The following TCF12 variants were observed in gnomAD, a reference collection of about 807,000 sequenced individuals.
TCF12 encodes transcription factor 12, also known as DNA-binding protein HTF4.
Under a neutral mutation model 86.0 loss-of-function variants are expected in TCF12, and 45 were observed. The observed-to-expected ratio is 0.52, with a 90% CI of 0.41 to 0.67. The LOEUF (loss-of-function observed/expected upper bound fraction) is 0.67, where lower values mean the gene tolerates loss of function less well. Among genes scored for constraint, TCF12 ranks in the 30% least tolerant of loss-of-function variants. The pLI, the probability that TCF12 is intolerant of heterozygous loss-of-function variation, is 0.00. For synonymous variants in TCF12, 330 were observed against 299.6 expected (o/e 1.10, Z -1.05); for missense variants, 881 against 859.9 (o/e 1.02, Z -0.31).
At chr15:56,926,926 T>C (rs1187881922) in intron 3 of TCF12, among the ~76,000 whole-genome samples, 2 of 152,196 alleles carry the variant, frequency 1.3e-5, no homozygotes, top group African/African-American at 4.8e-5. Context: ...AAATTGTTAG[T>C]GGTGAGACAC....
At chr15:57,282,148 TAAC>T (rs1233837009) in intron 19 of TCF12, 2 of 400,512 alleles carry the variant, frequency 5.0e-6, no homozygotes, top group Non-Finnish European at 9.2e-6. Context: ...GGTAGCCTAA[TAAC>T]AACAGCATTT....
intron 8 of TCF12, among the ~76,000 whole-genome samples, chr15:57,216,734 A>G (rs1444705176): frequency 1.3e-5 from 2 of 152,104 alleles, no homozygotes; most frequent in Non-Finnish European, 2.9e-5. Flanking sequence ...GCAGAGAAAA[A>G]AAGATTTTAT....
At chr15:56,940,475 TCTTCTC>T (rs773015661) in intron 3 of TCF12, among the ~76,000 whole-genome samples, 60 of 150,092 alleles carry the variant, frequency 4.0e-4, no homozygotes, top group Admixed American at 1.4e-3. Flanking sequence ...CTCTTCTTCT[TCTTCTC>T]CTCCTCCTCC....
At chr15:56,927,697 T>A (rs2060076909) in intron 3 of TCF12, among the ~76,000 whole-genome samples, 1 of 152,206 alleles carries the variant, frequency 6.6e-6, no homozygotes, top group African/African-American at 2.4e-5. Context: ...TTCTTTTGGT[T>A]AGGAGATGCA....
intron 5 of TCF12, among the ~76,000 whole-genome samples, chr15:57,148,611 G>A (rs1377362899): frequency 1.3e-5 from 2 of 151,522 alleles, no homozygotes; most frequent in Non-Finnish European, 2.9e-5. Context: ...GCCAGGCACA[G>A]TGGCTCATGC....
chr15:57,107,484 T>C lies in TCF12; in HGVS notation c.325+15593T>C, dbSNP rs570442496. ...AGTGAAACTACTCTGTATAAAACTT[T>C]AGTGGTAGATATATGTCATTATATG... On this transcript the variant is annotated intron_variant, in intron 5 of 20. Transcript: ENST00000333725. Among the ~76,000 whole-genome samples the C allele has an allele frequency of 5.3e-5, 8 of 152,314 alleles. No individual in the cohort carries two copies. The South Asian group carries it at 1.0e-3, about 20-fold the overall frequency.
At chr15:57,108,810 G>GT (rs1489991675) in intron 5 of TCF12, among the ~76,000 whole-genome samples, 1 of 152,022 alleles carries the variant, frequency 6.6e-6, no homozygotes, top group Non-Finnish European at 1.5e-5. Flanking sequence ...TAAAAGTTCT[G>GT]TTTTTTAAAA....
intron 12 of TCF12, among the ~76,000 whole-genome samples, chr15:57,241,239 C>T (rs1428664469): frequency 3.3e-5 from 5 of 151,998 alleles, no homozygotes; most frequent in South Asian, 2.1e-4. Context: ...GGATTACAGT[C>T]GCCCACCACG....
intron 4 of TCF12, among the ~76,000 whole-genome samples, chr15:57,067,591 T>C (rs1199038681): frequency 6.8e-6 from 1 of 146,292 alleles, no homozygotes; most frequent in African/African-American, 2.6e-5. Context: ...ATGGTAGGCA[T>C]GGTCAGCATT....
chr15:57,225,608 A>C (rs1377729613), intron 8 of TCF12, among the ~76,000 whole-genome samples: 11 of 152,178 alleles, frequency 7.2e-5, no homozygotes, highest in African/African-American at 2.7e-4. Context: ...ATAACAGATC[A>C]GAATGATCTG....
chr15:57,274,884 A>G (rs1483613512), intron 19 of TCF12, among the ~76,000 whole-genome samples: 3 of 152,210 alleles, frequency 2.0e-5, no homozygotes, highest in Admixed American at 6.5e-5. Flanking sequence ...TTTTTTAAGC[A>G]CAGAGATACC....
Position 56,972,858 on chromosome 15 carries a change from A to G in TCF12, c.148+51760A>G, listed in dbSNP as rs1167637974. Among the ~76,000 whole-genome samples the G allele has an allele frequency of 9.2e-5, 14 of 152,322 alleles. No individual in the cohort carries two copies. In the South Asian group the frequency reaches 1.2e-3, roughly 14 times the overall value. ...ATAGTTATGGAGGGGAGGGGAACAG[A>G]CTAACACAACTTTTGAACACAGTGT... On this transcript the variant is annotated intron_variant, in intron 3 of 20. Coordinates refer to ENST00000333725, the MANE Select transcript of TCF12 (RefSeq NM_207037.2).
At chr15:57,034,039 G>C (rs1281686003) in intron 3 of TCF12, among the ~76,000 whole-genome samples, 7 of 152,196 alleles carry the variant, frequency 4.6e-5, no homozygotes. Context: ...AGTTTTGTTA[G>C]TGAGCTACTT....
intron 3 of TCF12, among the ~76,000 whole-genome samples, chr15:57,030,425 T>C (rs1380465199): frequency 6.6e-6 from 1 of 152,182 alleles, no homozygotes; most frequent in Non-Finnish European, 1.5e-5. Context: ...CTTTATTTAT[T>C]TTTTTGTAGA....
intron 4 of TCF12, 66 bp downstream of exon 4, chr15:57,063,889 A>G: frequency 3.3e-6 from 4 of 1,213,982 alleles, no homozygotes; most frequent in Non-Finnish European, 4.7e-6. Flanking sequence ...TCTTTCATAT[A>G]TGCTGTTTCT....
chr15:57,193,664 T>G (rs1474104334), intron 7 of TCF12, among the ~76,000 whole-genome samples: 1 of 152,250 alleles, frequency 6.6e-6, no homozygotes, highest in East Asian at 1.9e-4. Context: ...CATTTTTTTA[T>G]TGCACAGGCA....
chr15:57,107,317 A>G (rs1285129977), intron 5 of TCF12, among the ~76,000 whole-genome samples: 1 of 152,216 alleles, frequency 6.6e-6, no homozygotes, highest in Non-Finnish European at 1.5e-5. Context: ...TACTGTGTGA[A>G]ACAAGCCAAT....
intron 4 of TCF12, among the ~76,000 whole-genome samples, chr15:57,082,318 A>G (rs897020142): frequency 6.6e-6 from 1 of 152,232 alleles, no homozygotes; most frequent in African/African-American, 2.4e-5. Context: ...TCCACACAAC[A>G]CTGGCTATCA....
chr15:57,286,636 C>G lies in TCF12; in HGVS notation c.*491C>G. ...TCACGTGCAGAGAACAAAGCAGTGA[C>G]AACCATTGGCCCTTAGCATTCCCGG... On this transcript the variant is annotated 3_prime_UTR_variant, in exon 21 of 21. Coordinates refer to ENST00000333725, the MANE Select transcript of TCF12 (RefSeq NM_207037.2). 1 of 456,738 alleles carries G rather than the reference C, an allele frequency of 2.2e-6. No homozygotes were observed. Among genetic ancestry groups the G allele is most frequent in the Non-Finnish European group, 4.4e-6 (1 of 226,982 alleles). The allele number at this position is 456,738 out of a possible 1,614,324, so 28.3% of individuals were successfully genotyped here. A position where few individuals can be genotyped will look rare whatever the true frequency, so the allele number is the denominator to read the frequency against.
Sources: allele counts gnomAD v4.1 joint callset (sites outside exome capture counted in the v4.1 genomes callset), GRCh38; gene constraint gnomAD v4.1.1; transcripts MANE v1.5; gene names NCBI Gene and HGNC (gene_info 2026-07-23, HGNC 2026-07-21).